Variants in HUNK observed in about 807,000 individuals in gnomAD.
The protein encoded by HUNK is hormonally up-regulated Neu-associated kinase.
Under a neutral mutation model 61.0 loss-of-function variants are expected in HUNK, and 21 were observed. That is an observed-to-expected ratio of 0.34 (90% confidence interval 0.24 to 0.50). The LOEUF is 0.50. Ranked by LOEUF, HUNK falls within the 20% of genes least tolerant of loss-of-function variation. The pLI is 0.98. For missense variants in HUNK, 772 were observed against 945.7 expected (o/e 0.82, Z 2.41); for synonymous variants, 371 against 386.1 (o/e 0.96, Z 0.46).
intron 8 of HUNK, among the ~76,000 whole-genome samples, chr21:31,989,087 G>C (rs909466627): frequency 1.3e-5 from 2 of 152,078 alleles, no homozygotes; most frequent in East Asian, 3.9e-4. Flanking sequence ...CTCCCAAGGG[G>C]CTGGGATTAC....
At position 31,923,662 on chromosome 21, in the gene HUNK, G is replaced by A. The variant is rs544268922; in HGVS notation, c.262-806G>A. On this transcript the variant is annotated intron_variant, in intron 1 of 10. Transcript: ENST00000270112. ...TTCCCCTAAAGGAAAGAGGACTGGGGACAGATGCGGATTTGGGTGGAATAG... is the reference window on the plus strand; with the variant it reads ...TTCCCCTAAAGGAAAGAGGACTGGGAACAGATGCGGATTTGGGTGGAATAG... Among the ~76,000 whole-genome samples, 7 of 152,174 alleles carry A rather than the reference G, an allele frequency of 4.6e-5. No homozygotes were observed. In the East Asian group the frequency reaches 1.2e-3, roughly 25 times the overall value.
chr21:31,996,098 G>GA (rs11411823), intron 10 of HUNK, 150 bp downstream of exon 10: 395,529 of 645,892 alleles, frequency 0.61, 123,596 homozygotes, highest in South Asian at 0.71. Context: ...GAGGTTGCCT[G>GA]AGCACAGTCC....
In HUNK at chr21:31,905,484, C is replaced by T. The variant is rs533289142; in HGVS notation, c.262-18984C>T. On this transcript the variant is annotated intron_variant, in intron 1 of 10. Coordinates refer to ENST00000270112, the MANE Select transcript of HUNK (RefSeq NM_014586.2). ...TTGAAAAAGAAAAAGGAGTCAAGGCCGGCATCTTATGATCTCCATGTCGTT... is the reference window on the plus strand; with the variant it reads ...TTGAAAAAGAAAAAGGAGTCAAGGCTGGCATCTTATGATCTCCATGTCGTT... Among the ~76,000 whole-genome samples the T allele has an allele frequency of 1.1e-4, 16 of 152,282 alleles. 1 individual carries two copies. The South Asian group carries it at 2.9e-3, about 28-fold the overall frequency.
intron 7 of HUNK, among the ~76,000 whole-genome samples, chr21:31,981,858 C>T (rs13053008): frequency 4.2e-4 from 60 of 141,828 alleles, no homozygotes; most frequent in Middle Eastern, 3.5e-3. Context: ...TATTTATTTA[C>T]TTATTTATTT....
chr21:31,999,132 C>T lies in HUNK; in HGVS notation c.2093C>T (p.Ala698Val), dbSNP rs899826853. ...AGCCTGCCCCCACTGCAGCCCCTAG[C>T]CCCTGTGAACCTTGCCTTTGACATG... Reference protein sequence around the residue: ...EASLPPLQPLAPVNLAFDMAD... With the variant: ...EASLPPLQPLVPVNLAFDMAD... The change falls in exon 11 of 11, where the codon GCC (alanine) becomes GTC (valine). Residue 698 changes from alanine (A) to valine (V), a missense_variant. Transcript: ENST00000270112. 2 of 1,613,686 alleles carry T rather than the reference C, an allele frequency of 1.2e-6. No individual in the cohort carries two copies. The highest frequency in any genetic ancestry group is 8.5e-7 in the Non-Finnish European group (1 of 1,179,780).
intron 1 of HUNK, among the ~76,000 whole-genome samples, chr21:31,890,541 T>C (rs1822366318): frequency 6.6e-6 from 1 of 152,140 alleles, no homozygotes. Flanking sequence ...GTAAATATTC[T>C]TTTAAAGTTT....
At chr21:31,884,998 G>C (rs942654777) in intron 1 of HUNK, among the ~76,000 whole-genome samples, 3 of 151,892 alleles carry the variant, frequency 2.0e-5, no homozygotes, top group Non-Finnish European at 2.9e-5. Flanking sequence ...GGCTGGTCTC[G>C]AACTCCTGAC....
At chr21:31,920,878 A>G (rs1304213151) in intron 1 of HUNK, among the ~76,000 whole-genome samples, 1 of 152,188 alleles carries the variant, frequency 6.6e-6, no homozygotes, top group African/African-American at 2.4e-5. Context: ...TGGGCTGGGC[A>G]CGGTGGCTCA....
rs2053235815 is a variant in HUNK at position 32,000,033 on chromosome 21, C to A, written c.*849C>A. 1 of 396,876 alleles carries A rather than the reference C, an allele frequency of 2.5e-6. No individual in the cohort carries two copies. Among genetic ancestry groups the A allele is most frequent in the Non-Finnish European group, 4.4e-6 (1 of 225,816 alleles). 24.6% of individuals were successfully genotyped at this position (396,876 alleles called of 1,614,324 possible). A position where few individuals can be genotyped will look rare whatever the true frequency, so the allele number is the denominator to read the frequency against. On this transcript the variant is annotated 3_prime_UTR_variant, in exon 11 of 11. Transcript: ENST00000270112. ...TGTGGTGATTTGCTGAGTGCTGTGG[C>A]CCACAGGCAGGGCAAGTCTCGGTGG...
chr21:31,888,861 A>G (rs1258106897), intron 1 of HUNK, among the ~76,000 whole-genome samples: 1 of 151,972 alleles, frequency 6.6e-6, no homozygotes, highest in Non-Finnish European at 1.5e-5. Context: ...TATGTGTATT[A>G]TATATAACAT....
At chr21:31,933,374 G>T (rs1323065555) in intron 2 of HUNK, among the ~76,000 whole-genome samples, 1 of 152,078 alleles carries the variant, frequency 6.6e-6, no homozygotes, top group Non-Finnish European at 1.5e-5. Flanking sequence ...ACTGGGCCAG[G>T]TACAGTGGTT....
intron 8 of HUNK, among the ~76,000 whole-genome samples, chr21:31,989,887 A>G (rs1380229842): frequency 6.6e-6 from 1 of 152,040 alleles, no homozygotes; most frequent in East Asian, 1.9e-4. Flanking sequence ...CTGACTTATC[A>G]TTAGAGCACT....
At chr21:31,930,410 C>T (rs1388540758) in intron 2 of HUNK, among the ~76,000 whole-genome samples, 4 of 152,218 alleles carry the variant, frequency 2.6e-5, no homozygotes, top group African/African-American at 7.2e-5. Flanking sequence ...CCACAGTTCT[C>T]CGTGCTGAGG....
At chr21:31,938,822 C>T (rs1298521563) in intron 2 of HUNK, among the ~76,000 whole-genome samples, 2 of 152,198 alleles carry the variant, frequency 1.3e-5, no homozygotes, top group African/African-American at 4.8e-5. Flanking sequence ...GGTATGCCTG[C>T]ATTGGCAGGC....
chr21:31,950,869 A>T (rs2052844719), intron 4 of HUNK, among the ~76,000 whole-genome samples: 2 of 152,170 alleles, frequency 1.3e-5, no homozygotes, highest in Non-Finnish European at 2.9e-5. Flanking sequence ...ACTTCCAAAA[A>T]AGCAAACTCC....
At chr21:31,919,058 G>A (rs1255169250) in intron 1 of HUNK, among the ~76,000 whole-genome samples, 2 of 112,026 alleles carry the variant, frequency 1.8e-5, no homozygotes, top group Non-Finnish European at 3.4e-5. Flanking sequence ...TGGACTGAGC[G>A]GTATGAGGAT....
chr21:31,945,611 GAATC>G (rs2052796800), intron 3 of HUNK, among the ~76,000 whole-genome samples: 1 of 152,180 alleles, frequency 6.6e-6, no homozygotes, highest in African/African-American at 2.4e-5. Flanking sequence ...CAGCCAGAGA[GAATC>G]AATCTTCCCT....
chr21:31,896,954 G>T (rs1371322217), intron 1 of HUNK, among the ~76,000 whole-genome samples: 2 of 152,168 alleles, frequency 1.3e-5, no homozygotes, highest in Non-Finnish European at 2.9e-5. Flanking sequence ...TATAAACTGT[G>T]TGGCTTAGGG....
chr21:31,955,317 C>T (rs1339763105), intron 4 of HUNK, among the ~76,000 whole-genome samples: 4 of 88 alleles, frequency 0.045, no homozygotes, highest in Non-Finnish European at 0.094. Context: ...CAGGGCCGGG[C>T]GCGGTGCTCA....
Sources: allele counts gnomAD v4.1 joint callset (sites outside exome capture counted in the v4.1 genomes callset), GRCh38; gene constraint gnomAD v4.1.1; transcripts MANE v1.5; gene names NCBI Gene and HGNC (gene_info 2026-07-23, HGNC 2026-07-21).